RALGPS1: variants seen among roughly 807,000 people sequenced by gnomAD.
The protein encoded by RALGPS1 is ras-specific guanine nucleotide-releasing factor RalGPS1.
RALGPS1 carries 19 observed loss-of-function variants against 78.8 expected under a neutral mutation model. The observed-to-expected ratio is 0.24, with a 90% CI of 0.17 to 0.35. The LOEUF is 0.35. Ranked by LOEUF, RALGPS1 falls within the 10% of genes least tolerant of loss-of-function variation. RALGPS1 has a pLI of 1.00. For missense variants in RALGPS1, 454 were observed against 688.3 expected, an observed-to-expected ratio of 0.66 and a Z score of 3.81; for synonymous variants, 228 against 256.3, an observed-to-expected ratio of 0.89 and a Z score of 1.06.
chr9:126,989,772 C>A, intron 4 of RALGPS1: 1 of 1,378,352 alleles, frequency 7.3e-7, no homozygotes, highest in Non-Finnish European at 9.6e-7. Flanking sequence ...AGATAAAATA[C>A]ATATTCCTGT....
intron 11 of RALGPS1, among the ~76,000 whole-genome samples, chr9:127,193,105 G>T (rs139177104): frequency 6.6e-6 from 1 of 152,176 alleles, no homozygotes; most frequent in Non-Finnish European, 1.5e-5. Context: ...GTAGGCTGGG[G>T]GAAGGAGCCA....
intron 8 of RALGPS1, among the ~76,000 whole-genome samples, chr9:127,076,834 G>A (rs1236018569): frequency 2.0e-5 from 3 of 152,228 alleles, no homozygotes; most frequent in Non-Finnish European, 4.4e-5. Context: ...TAGTCTGGGG[G>A]AACCAGGAAG....
intron 7 of RALGPS1, among the ~76,000 whole-genome samples, chr9:127,066,268 A>G (rs1195088090): frequency 6.6e-6 from 1 of 152,226 alleles, no homozygotes. Context: ...TGGCATTGCC[A>G]AACAAGTAAG....
chr9:127,196,792 G>A (rs561249279), intron 13 of RALGPS1, among the ~76,000 whole-genome samples, 161 bp downstream of exon 13: 5 of 152,332 alleles, frequency 3.3e-5, no homozygotes, highest in South Asian at 2.1e-4. Flanking sequence ...TGCAGGAATC[G>A]CCCAGACCCA....
intron 5 of RALGPS1, among the ~76,000 whole-genome samples, chr9:127,034,874 T>C (rs2046734006): frequency 6.6e-6 from 1 of 152,168 alleles, no homozygotes; most frequent in African/African-American, 2.4e-5. Context: ...CTTACTGATA[T>C]ACCTTATCTC....
chr9:126,988,352 CCTGA>C (rs955527740), intron 4 of RALGPS1, among the ~76,000 whole-genome samples: 2 of 152,106 alleles, frequency 1.3e-5, no homozygotes, highest in South Asian at 2.1e-4. Context: ...CTTAGATGTG[CCTGA>C]CTAAGGAGTT....
intron 4 of RALGPS1, among the ~76,000 whole-genome samples, chr9:127,029,249 G>T (rs894327036): frequency 1.3e-5 from 2 of 152,130 alleles, no homozygotes; most frequent in Non-Finnish European, 2.9e-5. Context: ...TCTAGGCCCT[G>T]AATGCCTTAC....
In RALGPS1 at chr9:126,943,732, CT is replaced by C. The variant is rs563428931; in HGVS notation, c.-65-18490del. Among the ~76,000 whole-genome samples, 149 of 152,284 alleles carry C rather than the reference CT, an allele frequency of 9.8e-4. 2 individuals are homozygous for C. Among genetic ancestry groups the C allele is most frequent in the African/African-American group, 3.5e-3 (147 of 41,548 alleles). On this transcript the variant is annotated intron_variant, in intron 1 of 18. Coordinates refer to ENST00000259351, the MANE Select transcript of RALGPS1 (RefSeq NM_014636.3). ...CTTTCTCCTACCGCTGCCTGGACTGCTTTCACTGCCCCTTTTCCAACCAGAC... is the reference window on the plus strand; with the variant it reads ...CTTTCTCCTACCGCTGCCTGGACTGCTTCACTGCCCCTTTTCCAACCAGAC...
chr9:126,947,427 TGGATTTGG>T (rs1263259582), intron 1 of RALGPS1, among the ~76,000 whole-genome samples: 1 of 152,234 alleles, frequency 6.6e-6, no homozygotes, highest in Non-Finnish European at 1.5e-5. Context: ...TTTTGGATTT[TGGATTTGG>T]GGATTTGGGA....
chr9:127,062,687 C>T (rs2049329047), intron 7 of RALGPS1, among the ~76,000 whole-genome samples: 1 of 152,164 alleles, frequency 6.6e-6, no homozygotes, highest in Non-Finnish European at 1.5e-5. Flanking sequence ...ACATTTTCTA[C>T]AAATTAACTT....
intron 11 of RALGPS1, among the ~76,000 whole-genome samples, chr9:127,188,849 AT>A (rs2060847586): frequency 6.7e-6 from 1 of 149,354 alleles, no homozygotes; most frequent in Non-Finnish European, 1.5e-5. Context: ...AAAAAAAAAA[AT>A]GTAGCCAGGC....
chr9:127,122,031 G>A lies in RALGPS1; in HGVS notation c.611-44038G>A, dbSNP rs575697593. On this transcript the variant is annotated intron_variant, in intron 8 of 18. Transcript: ENST00000259351. This position sits in a 1 kb window ranked among gnomAD's most constrained non-coding sequence, Gnocchi z 6.4. ...CTGCTCTGCCGTGCCGGGAGCTGCC[G>A]GCCGGCACCCCAAAGGCTCTTTGTC... Among the ~76,000 whole-genome samples the A allele has an allele frequency of 9.2e-4, 140 of 152,264 alleles. No homozygotes were observed. Among genetic ancestry groups the A allele is most frequent in the Non-Finnish European group, 1.4e-3 (96 of 68,026 alleles).
intron 11 of RALGPS1, among the ~76,000 whole-genome samples, chr9:127,179,776 G>A (rs564699765): frequency 9.2e-5 from 14 of 152,326 alleles, no homozygotes; most frequent in Admixed American, 5.9e-4. Context: ...TGTGCCGGGC[G>A]GTCTCTCTGG....
chr9:127,038,034 T>C (rs2134816835), intron 5 of RALGPS1, among the ~76,000 whole-genome samples: 1 of 152,344 alleles, frequency 6.6e-6, no homozygotes, highest in East Asian at 1.9e-4. Flanking sequence ...ATCATAGACC[T>C]TCTTTTCTCT....
intron 1 of RALGPS1, among the ~76,000 whole-genome samples, chr9:126,958,302 T>C (rs2038563979): frequency 1.3e-5 from 2 of 151,910 alleles, no homozygotes; most frequent in Admixed American, 6.6e-5. Flanking sequence ...TTATATTTCA[T>C]AAAACCCACC....
At chr9:127,079,554 T>C (rs1482395014) in intron 8 of RALGPS1, 3 of 152,230 alleles carry the variant, frequency 2.0e-5, no homozygotes, top group Non-Finnish European at 4.4e-5. Context: ...TCCCTTTATG[T>C]TGAGTGCTTG....
intron 8 of RALGPS1, among the ~76,000 whole-genome samples, chr9:127,134,612 TAGA>T (rs2057268242): frequency 6.6e-6 from 1 of 152,218 alleles, no homozygotes; most frequent in Admixed American, 6.5e-5. Context: ...AACCGAGCCC[TAGA>T]AAAGAGAAAA....
At chr9:127,191,976 C>T (rs575047329) in intron 11 of RALGPS1, among the ~76,000 whole-genome samples, 9 of 152,262 alleles carry the variant, frequency 5.9e-5, no homozygotes, top group Non-Finnish European at 1.0e-4. Context: ...GGATTAGAGG[C>T]GTGAGCCACG....
intron 8 of RALGPS1, 129 bp downstream of exon 8, chr9:127,069,485 G>A: frequency 9.3e-7 from 1 of 1,077,002 alleles, no homozygotes; most frequent in Non-Finnish European, 1.3e-6. Context: ...CAATTGGTTG[G>A]CTCTTTGGGT....
Sources: gnomAD v4.1 joint callset for allele counts (sites outside exome capture counted in the v4.1 genomes callset) on GRCh38, gnomAD v4.1.1 for gene constraint, Gnocchi (gnomAD v3.1) non-coding constraint, MANE v1.5 for transcripts, NCBI Gene and HGNC (gene_info 2026-07-23, HGNC 2026-07-21) for gene names.